Variants in ADGRF1 observed in about 807,000 individuals in gnomAD.
ADGRF1 encodes the protein adhesion G protein-coupled receptor F1.
In ADGRF1, 85 loss-of-function variants were observed where a neutral mutation model predicts 87.2. The observed-to-expected ratio is 0.97, with a 90% CI of 0.82 to 1.17. ADGRF1 has a LOEUF of 1.17. ADGRF1 is among the 50% of genes most tolerant of loss of function. The probability of loss-of-function intolerance (pLI) is 0.00; values close to 1 mark genes in which losing one functional copy is unlikely to be tolerated. For synonymous variants in ADGRF1, 430 were observed against 408.8 expected (o/e 1.05, Z -0.63); for missense variants, 1,169 against 1,077.2 (o/e 1.09, Z -1.19).
At chr6:47,013,042 G>T (rs922805214) in intron 9 of ADGRF1, 2 of 982,590 alleles carry the variant, frequency 2.0e-6, no homozygotes, top group African/African-American at 3.5e-5. Context: ...AAAGTGCTAG[G>T]ATTACAGGCA....
At chr6:47,021,760 A>G (rs1400930029) in intron 6 of ADGRF1, among the ~76,000 whole-genome samples, 198 bp downstream of exon 6, 1 of 152,214 alleles carries the variant, frequency 6.6e-6, no homozygotes, top group African/African-American at 2.4e-5. Flanking sequence ...GAGAAGTGCA[A>G]AGAAGTCAGC....
At chr6:47,023,938 C>T (rs72857718) in intron 5 of ADGRF1, 106 bp downstream of exon 5, 226 of 1,012,210 alleles carry the variant, frequency 2.2e-4, no homozygotes, top group Admixed American at 5.5e-4. Flanking sequence ...GTCCCTCAAT[C>T]TCCCTGTAAA....
chr6:47,029,209 C>T, intron 1 of ADGRF1, 105 bp from the exon 2 acceptor site: 3 of 633,634 alleles, frequency 4.7e-6, no homozygotes, highest in Non-Finnish European at 8.5e-6. Flanking sequence ...CTGATCCGAA[C>T]CCCTGGGTGT....
At chr6:47,016,866 A>G in intron 7 of ADGRF1, 98 bp from the exon 8 acceptor site, 1 of 1,388,398 alleles carries the variant, frequency 7.2e-7, no homozygotes, top group Non-Finnish European at 9.4e-7. Context: ...GTCCATAGGA[A>G]TAAAGTAAAC....
intron 9 of ADGRF1, chr6:47,013,074 A>C (rs1421664874): frequency 2.0e-6 from 2 of 985,254 alleles, no homozygotes; most frequent in East Asian, 2.3e-4. Context: ...ACCCGGCCCT[A>C]GATTTGGAAT....
intron 8 of ADGRF1, among the ~76,000 whole-genome samples, chr6:47,016,331 C>A (rs917418653): frequency 1.3e-5 from 2 of 152,152 alleles, no homozygotes; most frequent in African/African-American, 4.8e-5. Context: ...GTGTGCCAGT[C>A]AACTATTGCT....
intron 4 of ADGRF1, chr6:47,024,441 A>G: frequency 2.3e-6 from 1 of 439,632 alleles, no homozygotes; most frequent in South Asian, 3.4e-5. Context: ...CAGCCACCTG[A>G]GTAGCTGGGA....
intron 5 of ADGRF1, among the ~76,000 whole-genome samples, chr6:47,023,433 G>T (rs541361957): frequency 6.6e-6 from 1 of 152,192 alleles, no homozygotes; most frequent in Admixed American, 6.5e-5. Flanking sequence ...CATTGCAGGA[G>T]CTTAGTAAAG....
At position 46,999,932 on chromosome 6, in the gene ADGRF1, G is replaced by A. The variant is rs1012542278; in HGVS notation, c.*290C>T. 2 of 240,748 alleles carry A rather than the reference G, an allele frequency of 8.3e-6. No individual in the cohort carries two copies. The highest frequency in any genetic ancestry group is 2.2e-5 in the African/African-American group (1 of 44,838). 14.9% of individuals were successfully genotyped at this position (240,748 alleles called of 1,614,324 possible). On this transcript the variant is annotated 3_prime_UTR_variant, in exon 15 of 15. Transcript: ENST00000371253. ...TGAATAATGCTGTTTTATGAAAATA[G>A]AAACCATATTTTATGGTCAGGGTAC...
chr6:47,009,478 G>T lies in ADGRF1; in HGVS notation c.1957C>A (p.Pro653Thr). The T allele has an allele frequency of 1.2e-6, 2 of 1,613,820 alleles. No homozygotes were observed. Among genetic ancestry groups the T allele is most frequent in the Non-Finnish European group, 1.7e-6 (2 of 1,179,924 alleles). Residue 653 changes from proline (P) to threonine (T), a missense_variant, in exon 11 of 15, where the codon CCT (proline) becomes ACT (threonine). Coordinates refer to ENST00000371253, the MANE Select transcript of ADGRF1 (RefSeq NM_153840.4). The stretch of plus-strand genomic sequence containing the variant: ...ACAGCAGCTGTGCAGACTCCAGAAG[G>T]GTTCACCGTGGTGTCCACTGTGGCA... ...VGATVDTTVN[P>T]SGVCTAAVFF...
chr6:47,014,648 C>T, intron 9 of ADGRF1, 33 bp downstream of exon 9: 1 of 1,599,066 alleles, frequency 6.3e-7, no homozygotes, highest in Non-Finnish European at 8.5e-7. Flanking sequence ...AAACTCAAGA[C>T]CAGGGCAAGT....
At position 47,009,478 on chromosome 6, in the gene ADGRF1, G is replaced by A. The variant is rs1479074493; in HGVS notation, c.1957C>T (p.Pro653Ser). 7 of 1,613,820 alleles carry A rather than the reference G, an allele frequency of 4.3e-6. No homozygotes were observed. Among genetic ancestry groups the A allele is most frequent in the Non-Finnish European group, 5.9e-6 (7 of 1,179,924 alleles). Residue 653 changes from proline (P) to serine (S), a missense_variant, in exon 11 of 15, where the codon CCT (proline) becomes TCT (serine). Pro to Ser is a moderately conservative substitution (Grantham distance 74). Transcript: ENST00000371253. Reference protein sequence around the residue: ...VGATVDTTVNPSGVCTAAVFF... With the variant: ...VGATVDTTVNSSGVCTAAVFF... ...ACAGCAGCTGTGCAGACTCCAGAAG[G>A]GTTCACCGTGGTGTCCACTGTGGCA...
intron 8 of ADGRF1, 24 bp from the exon 9 acceptor site, chr6:47,014,868 A>G: frequency 1.3e-6 from 2 of 1,577,696 alleles, no homozygotes; most frequent in South Asian, 2.3e-5. Context: ...AAAACAACAA[A>G]GAAAAATGAT....
intron 7 of ADGRF1, 25 bp downstream of exon 7, chr6:47,020,706 C>G (rs1326302686): frequency 4.6e-5 from 74 of 1,611,512 alleles, no homozygotes; most frequent in Non-Finnish European, 6.3e-5. Flanking sequence ...TGGGGATGCC[C>G]TTCTAAGACC....
Position 47,002,519 on chromosome 6 carries a change from T to C in ADGRF1, c.2593-952A>G, listed in dbSNP as rs141925651. Among the ~76,000 whole-genome samples the C allele has an allele frequency of 3.1e-3, 471 of 152,342 alleles. 2 individuals are homozygous for C. The highest frequency in any genetic ancestry group is 0.01 in the African/African-American group (435 of 41,588). ...AAAAAAATCATAAGGTCAGGGATCATGGCACTTAAAATTGCATCCTGTACC... is the reference window on the plus strand; with the variant it reads ...AAAAAAATCATAAGGTCAGGGATCACGGCACTTAAAATTGCATCCTGTACC... On this transcript the variant is annotated intron_variant, in intron 13 of 14. Transcript: ENST00000371253.
intron 1 of ADGRF1, 62 bp from the exon 2 acceptor site, chr6:47,029,166 T>A: frequency 1.1e-6 from 1 of 914,320 alleles, no homozygotes; most frequent in Non-Finnish European, 1.8e-6. Context: ...AGCCAAAATG[T>A]AAAAATGCAC....
chr6:47,025,918 G>A lies in ADGRF1; in HGVS notation c.213C>T (p.Leu71=), dbSNP rs751696583. ...EKRDLRNFLK[L]LKPPLLWSHG... ...GTGACCATAATAATGGAGGCTTCAA[G>A]AGCTTCAGAAAATTTCTCAAATCTC... The change falls in exon 4 of 15, where the codon CTC becomes CTT. Residue 71 remains leucine, a synonymous_variant. Coordinates refer to ENST00000371253, the MANE Select transcript of ADGRF1 (RefSeq NM_153840.4). The A allele has an allele frequency of 6.2e-7, 1 of 1,612,166 alleles. No homozygotes were observed. Among genetic ancestry groups the A allele is most frequent in the South Asian group, 1.1e-5 (1 of 90,952 alleles).
intron 3 of ADGRF1, 99 bp downstream of exon 3, chr6:47,027,605 G>A: frequency 2.7e-6 from 2 of 744,448 alleles, no homozygotes; most frequent in East Asian, 4.9e-5. Flanking sequence ...TTAATAATGT[G>A]CCTAGGATCA....
Position 47,024,203 on chromosome 6 carries a change from T to C in ADGRF1, c.292A>G (p.Asn98Asp), listed in dbSNP as rs1380479329. Residue 98 changes from asparagine (N) to aspartate (D), a missense_variant, in exon 5 of 15, where the codon AAT becomes GAT. Coordinates refer to ENST00000371253, the MANE Select transcript of ADGRF1 (RefSeq NM_153840.4). Reference protein sequence around the residue: ...AKATTDCNSLNGVLQCTCEDS... With the variant: ...AKATTDCNSLDGVLQCTCEDS... ...TCACAGGTACACTGCAGGACTCCAT[T>C]CAGGCTGTTGCAGTCTGCACAAGAA... The C allele has an allele frequency of 6.2e-7, 1 of 1,613,806 alleles. No homozygotes were observed. The highest frequency in any genetic ancestry group is 1.1e-5 in the South Asian group (1 of 91,050).
Sources: allele counts gnomAD v4.1 joint callset (sites outside exome capture counted in the v4.1 genomes callset), GRCh38; gene constraint gnomAD v4.1.1; transcripts MANE v1.5; gene names NCBI Gene and HGNC (gene_info 2026-07-23, HGNC 2026-07-21).